The following ITGB3 variants were observed in gnomAD, a reference collection of about 807,000 sequenced individuals.
The protein encoded by ITGB3 is integrin beta-3.
Under a neutral mutation model 85.8 loss-of-function variants are expected in ITGB3, and 48 were observed. That is an observed-to-expected ratio of 0.56 (90% CI 0.44 to 0.71). The LOEUF (loss-of-function observed/expected upper bound fraction) is 0.71. Ranked by LOEUF, ITGB3 falls within the 30% of genes least tolerant of loss-of-function variation. ITGB3 has a pLI of 0.00. For synonymous variants in ITGB3, 363 were observed against 395.6 expected, an observed-to-expected ratio of 0.92 and a Z score of 0.98; for missense variants, 861 against 1,019.1, an observed-to-expected ratio of 0.84 and a Z score of 2.11.
intron 8 of ITGB3, 59 bp from the exon 9 acceptor site, chr17:47,290,895 G>T: frequency 6.2e-7 from 1 of 1,604,550 alleles, no homozygotes; most frequent in East Asian, 2.2e-5. Flanking sequence ...ACTGGCTCTT[G>T]CCATTTCCCG....
At chr17:47,255,064 T>C (rs2064983835) in intron 1 of ITGB3, among the ~76,000 whole-genome samples, 1 of 152,094 alleles carries the variant, frequency 6.6e-6, no homozygotes, top group East Asian at 1.9e-4. Context: ...CTGCAACTTC[T>C]GCCTCCTGGG....
At chr17:47,278,630 G>A (rs552096527) in intron 2 of ITGB3, among the ~76,000 whole-genome samples, 46 of 152,102 alleles carry the variant, frequency 3.0e-4, no homozygotes, top group African/African-American at 1.1e-3. Flanking sequence ...TGCTTATACT[G>A]TGTCCTAAAG....
chr17:47,266,515 A>T (rs1000002591), intron 1 of ITGB3, among the ~76,000 whole-genome samples: 3 of 152,168 alleles, frequency 2.0e-5, no homozygotes, highest in Non-Finnish European at 1.5e-5. Flanking sequence ...GCCAAACCAC[A>T]GCCTTCTACT....
intron 1 of ITGB3, among the ~76,000 whole-genome samples, chr17:47,269,566 C>T (rs112559456): frequency 4.2e-4 from 64 of 152,324 alleles, no homozygotes; most frequent in African/African-American, 1.5e-3. Flanking sequence ...CCTTCTGAGA[C>T]CACCTCAGCC....
intron 1 of ITGB3, among the ~76,000 whole-genome samples, chr17:47,266,419 G>C (rs895808382): frequency 6.6e-6 from 1 of 152,054 alleles, no homozygotes; most frequent in African/African-American, 2.4e-5. Context: ...GACTTCCACT[G>C]GATCCAATTC....
At chr17:47,306,750 G>A (rs2065189598) in intron 13 of ITGB3, among the ~76,000 whole-genome samples, 1 of 151,442 alleles carries the variant, frequency 6.6e-6, no homozygotes, top group South Asian at 2.1e-4. Flanking sequence ...GTGTGATCTC[G>A]GTTCACTGCA....
chr17:47,288,257 A>C (rs1040823838), intron 6 of ITGB3, among the ~76,000 whole-genome samples: 2 of 151,204 alleles, frequency 1.3e-5, no homozygotes, highest in South Asian at 4.2e-4. Context: ...GGGAAAGAAC[A>C]TAAAAGGCAT....
At chr17:47,277,694 G>A (rs1271592933) in intron 2 of ITGB3, among the ~76,000 whole-genome samples, 2 of 152,184 alleles carry the variant, frequency 1.3e-5, no homozygotes, top group Non-Finnish European at 2.9e-5. Flanking sequence ...ACCCTACAGT[G>A]GAGGGAAATA....
intron 7 of ITGB3, 48 bp from the exon 8 acceptor site, chr17:47,290,137 C>T (rs1402180026): frequency 6.8e-7 from 1 of 1,463,992 alleles, no homozygotes; most frequent in Admixed American, 1.7e-5. Context: ...TTTTGGAGAC[C>T]ACCAGCTTCC....
intron 1 of ITGB3, among the ~76,000 whole-genome samples, chr17:47,254,676 T>C (rs1472381458): frequency 6.6e-6 from 1 of 152,112 alleles, no homozygotes; most frequent in Non-Finnish European, 1.5e-5. Context: ...CTTGGCTTTG[T>C]CTCTGGCTGC....
rs2065224622 is a variant in ITGB3 at position 47,313,503 on chromosome 17, C to T, written c.*3299C>T. Among the ~76,000 whole-genome samples, 1 of 151,304 alleles carries T rather than the reference C, an allele frequency of 6.6e-6. No homozygotes were observed. The highest frequency in any genetic ancestry group is 2.4e-5 in the African/African-American group (1 of 41,148). ...CTGGGATTACAGGCACCTGCCACCA[C>T]GCCCGGCTAATTTCTTTTTGTATTT... On this transcript the variant is annotated 3_prime_UTR_variant, in exon 15 of 15. Coordinates refer to ENST00000559488, the MANE Select transcript of ITGB3 (RefSeq NM_000212.3).
intron 2 of ITGB3, chr17:47,279,773 C>T (rs1448254059): frequency 6.6e-6 from 1 of 152,248 alleles, no homozygotes; most frequent in Non-Finnish European, 1.5e-5. Context: ...CTGTCTTGGT[C>T]CTGGAAAGGA....
chr17:47,288,905 A>G (rs1381814562), intron 6 of ITGB3, among the ~76,000 whole-genome samples: 1 of 152,192 alleles, frequency 6.6e-6, no homozygotes, highest in Non-Finnish European at 1.5e-5. Flanking sequence ...ATACGTATCC[A>G]AGGGAGGAAA....
At chr17:47,254,440 C>G (rs553037548) in intron 1 of ITGB3, among the ~76,000 whole-genome samples, 26 of 152,330 alleles carry the variant, frequency 1.7e-4, no homozygotes, top group South Asian at 1.5e-3. Flanking sequence ...TCTCCTGTTA[C>G]GCTTTCTCCA....
At position 47,312,425 on chromosome 17, in the gene ITGB3, T is replaced by G. The variant is rs1156239122; in HGVS notation, c.*2221T>G. Among the ~76,000 whole-genome samples the G allele has an allele frequency of 6.6e-6, 1 of 152,154 alleles. No homozygotes were observed. Among genetic ancestry groups the G allele is most frequent in the Non-Finnish European group, 1.5e-5 (1 of 68,020 alleles). ...AATAGGGGGCGGGGAGGGATAGTCA[T>G]GGATCCAAGAAGTCCTTAGAAATAG... On this transcript the variant is annotated 3_prime_UTR_variant, in exon 15 of 15. Transcript: ENST00000559488.
In ITGB3 at chr17:47,256,955, A is replaced by G. The variant is rs74397996; in HGVS notation, c.79+3015A>G. Among the ~76,000 whole-genome samples, 98 of 152,348 alleles carry G rather than the reference A, an allele frequency of 6.4e-4. No individual in the cohort carries two copies. The East Asian group carries it at 0.014, about 22-fold the overall frequency. On this transcript the variant is annotated intron_variant, in intron 1 of 14. Transcript: ENST00000559488. The stretch of plus-strand genomic sequence containing the variant: ...AAAGGGAGGGCTATGGTTTAAAGCC[A>G]GTAAGATGTGGGTTTGATTCTTGAC...
chr17:47,285,288 G>A (rs144097911), intron 4 of ITGB3, among the ~76,000 whole-genome samples: 7 of 152,198 alleles, frequency 4.6e-5, no homozygotes, highest in African/African-American at 1.7e-4. Context: ...TGGTTGCTGA[G>A]CCTGAAAAGG....
intron 10 of ITGB3, among the ~76,000 whole-genome samples, chr17:47,296,205 T>C (rs73320494): frequency 0.19 from 28,567 of 152,212 alleles, 3,324 homozygotes; most frequent in African/African-American, 0.31. Flanking sequence ...TTTCCAGATA[T>C]ACTTGGCAGC....
chr17:47,278,372 G>A (rs1413665654), intron 2 of ITGB3, among the ~76,000 whole-genome samples: 1 of 152,196 alleles, frequency 6.6e-6, no homozygotes, highest in East Asian at 1.9e-4. Flanking sequence ...CTTGAGGTCA[G>A]GAGTTTGAAA....
Sources: gnomAD v4.1 joint callset for allele counts (sites outside exome capture counted in the v4.1 genomes callset) on GRCh38, gnomAD v4.1.1 for gene constraint, MANE v1.5 for transcripts, NCBI Gene and HGNC (gene_info 2026-07-23, HGNC 2026-07-21) for gene names.